SAMM50: variants seen among roughly 807,000 people sequenced by gnomAD.
SAMM50 encodes SAMM50 sorting and assembly machinery component, also known as sorting and assembly machinery component 50 homolog.
A neutral mutation model predicts 66.9 loss-of-function variants in SAMM50; 47 were observed. That is an observed-to-expected ratio of 0.70 (90% CI 0.56 to 0.90). SAMM50 has a LOEUF of 0.90. Among genes scored for constraint, SAMM50 ranks in the 40% least tolerant of loss-of-function variants. The pLI is 0.00. For synonymous variants in SAMM50, 191 were observed against 214.1 expected (o/e 0.89, Z 0.94); for missense variants, 535 against 595.3 (o/e 0.90, Z 1.05).
chr22:43,972,959 G>C lies in SAMM50; in HGVS notation c.518G>C (p.Gly173Ala). Reference protein sequence around the residue: ...FSYGTKETSYGLSFFKPRPGN... With the variant: ...FSYGTKETSYALSFFKPRPGN... ...TATGGAACAAAAGAAACTTCGTATG[G>C]CCTGTCCTTCTTCAAACCACGGCCC... The change falls in exon 6 of 15, where the codon GGC (glycine) becomes GCC (alanine). Residue 173 changes from glycine to alanine, a missense_variant. By Grantham distance (60) the Gly-to-Ala change is moderately conservative. Coordinates refer to ENST00000350028, the MANE Select transcript of SAMM50 (RefSeq NM_015380.5). The C allele has an allele frequency of 6.3e-7, 1 of 1,599,976 alleles. No homozygotes were observed. Among genetic ancestry groups the C allele is most frequent in the Non-Finnish European group, 8.5e-7 (1 of 1,177,034 alleles).
chr22:43,976,218 G>A, intron 8 of SAMM50, 35 bp downstream of exon 8: 1 of 1,587,806 alleles, frequency 6.3e-7, no homozygotes, highest in East Asian at 2.3e-5. Flanking sequence ...AAATAATTTT[G>A]TTGATGGAAC....
intron 12 of SAMM50, among the ~76,000 whole-genome samples, chr22:43,985,385 C>G (rs1312292799): frequency 6.6e-6 from 1 of 152,014 alleles, no homozygotes; most frequent in Non-Finnish European, 1.5e-5. Context: ...CTGGAAACGA[C>G]AGGTCTTTGA....
At chr22:43,966,088 A>G (rs1372904728) in intron 3 of SAMM50, among the ~76,000 whole-genome samples, 2 of 152,194 alleles carry the variant, frequency 1.3e-5, no homozygotes, top group African/African-American at 2.4e-5. Context: ...GGTCCTCCCA[A>G]CTTGGCCTTC....
intron 1 of SAMM50, among the ~76,000 whole-genome samples, chr22:43,960,342 A>G (rs1422213542): frequency 6.6e-6 from 1 of 152,202 alleles, no homozygotes; most frequent in African/African-American, 2.4e-5. Flanking sequence ...GTGGACTTTC[A>G]GTACTTATTT....
intron 6 of SAMM50, 55 bp downstream of exon 6, chr22:43,973,056 G>C: frequency 6.4e-7 from 1 of 1,564,226 alleles, no homozygotes; most frequent in South Asian, 1.2e-5. Flanking sequence ...AGTTAAAATA[G>C]GTGGCTTATT....
intron 3 of SAMM50, 104 bp downstream of exon 3, chr22:43,964,657 G>A (rs576787502): frequency 5.1e-5 from 32 of 628,968 alleles, no homozygotes; most frequent in East Asian, 3.0e-4. Context: ...CCTCTGTGCC[G>A]GAGATCTGCC....
intron 3 of SAMM50, among the ~76,000 whole-genome samples, chr22:43,964,874 C>T (rs1466653735): frequency 6.6e-6 from 1 of 152,150 alleles, no homozygotes; most frequent in African/African-American, 2.4e-5. Context: ...TCCCAGGCAC[C>T]GCGCTGAGTT....
intron 14 of SAMM50, among the ~76,000 whole-genome samples, chr22:43,991,831 C>T (rs978716561): frequency 3.3e-5 from 5 of 151,990 alleles, no homozygotes; most frequent in Admixed American, 6.5e-5. Context: ...GCCAGTGCCC[C>T]GATGCCTCTT....
At chr22:43,976,566 C>T (rs903737409) in intron 8 of SAMM50, among the ~76,000 whole-genome samples, 184 bp from the exon 9 acceptor site, 6 of 152,202 alleles carry the variant, frequency 3.9e-5, no homozygotes, top group South Asian at 2.1e-4. Context: ...TCAGTGTGGA[C>T]GTCTCAGTGT....
At chr22:43,993,796 G>C (rs944715872) in intron 14 of SAMM50, among the ~76,000 whole-genome samples, 2 of 152,226 alleles carry the variant, frequency 1.3e-5, no homozygotes, top group Non-Finnish European at 2.9e-5. Context: ...ATGGGGTATC[G>C]TGTGTGTAGA....
chr22:43,965,833 T>A (rs12165526), intron 3 of SAMM50, among the ~76,000 whole-genome samples: 17,305 of 152,164 alleles, frequency 0.11, 1,103 homozygotes, highest in African/African-American at 0.16. Context: ...CTAACTTTTT[T>A]AAATTTTTTT....
At chr22:43,991,003 C>G (rs1365273440) in intron 14 of SAMM50, among the ~76,000 whole-genome samples, 1 of 147,958 alleles carries the variant, frequency 6.8e-6, no homozygotes, top group Non-Finnish European at 1.5e-5. Flanking sequence ...TTGAGACAGA[C>G]TCTCATTCTG....
intron 3 of SAMM50, 59 bp from the exon 4 acceptor site, chr22:43,968,672 T>G: frequency 6.7e-6 from 8 of 1,200,600 alleles, no homozygotes; most frequent in Non-Finnish European, 9.9e-6. Flanking sequence ...GTGGCTGCCA[T>G]TTGCTGTTTC....
At chr22:43,994,109 G>T (rs755674993) in intron 14 of SAMM50, among the ~76,000 whole-genome samples, 1 of 152,174 alleles carries the variant, frequency 6.6e-6, no homozygotes, top group Admixed American at 6.5e-5. Context: ...GCCCCCTGGA[G>T]CAGGTCCCTG....
chr22:43,964,102 G>C (rs1223876088), intron 2 of SAMM50, among the ~76,000 whole-genome samples: 1 of 151,996 alleles, frequency 6.6e-6, no homozygotes, highest in East Asian at 1.9e-4. Flanking sequence ...ATTAAGTCAG[G>C]GGTCATGGCC....
intron 7 of SAMM50, chr22:43,975,601 C>A (rs1056171408): frequency 6.4e-6 from 1 of 155,254 alleles, no homozygotes; most frequent in Non-Finnish European, 1.4e-5. Flanking sequence ...ACATAACTCT[C>A]GTCTCTGCCA....
intron 1 of SAMM50, among the ~76,000 whole-genome samples, chr22:43,961,784 T>C (rs1215020817): frequency 6.6e-6 from 1 of 152,178 alleles, no homozygotes; most frequent in Non-Finnish European, 1.5e-5. Context: ...GACTTCATTA[T>C]GTTGCCTAGC....
Position 43,990,332 on chromosome 22 carries a change from T to A in SAMM50, c.1290T>A (p.Ile430=), listed in dbSNP as rs937000154. ...TCCGCTGGTCGTACGGGGCCGGGAT[T>A]GTCCTCAGGCTTGGCAACATCGCTC... The part of the protein sequence containing the change: ...ECIRWSYGAG[I]VLRLGNIARL... The change falls in exon 14 of 15, where the codon ATT becomes ATA. Residue 430 remains isoleucine, a synonymous_variant. Transcript: ENST00000350028. 1.9e-6 allele frequency: 3 copies of A among 1,614,200 alleles called. No homozygotes were observed. The highest frequency in any genetic ancestry group is 1.7e-6 in the Non-Finnish European group (2 of 1,180,036).
At chr22:43,991,630 G>A (rs1003820999) in intron 14 of SAMM50, among the ~76,000 whole-genome samples, 1 of 152,162 alleles carries the variant, frequency 6.6e-6, no homozygotes. Context: ...GGTCAGCTCA[G>A]GCTGCCATCA....
Sources: gnomAD v4.1 joint callset for allele counts (sites outside exome capture counted in the v4.1 genomes callset) on GRCh38, gnomAD v4.1.1 for gene constraint, MANE v1.5 for transcripts, NCBI Gene and HGNC (gene_info 2026-07-23, HGNC 2026-07-21) for gene names.